Variants in RTN4 observed in about 807,000 individuals in gnomAD.
The protein encoded by RTN4 is reticulon 4.
Under a neutral mutation model 90.4 loss-of-function variants are expected in RTN4, and 32 were observed. The observed-to-expected ratio is 0.35, with a 90% CI of 0.27 to 0.48. The LOEUF (loss-of-function observed/expected upper bound fraction) is 0.48. Among genes scored for constraint, RTN4 ranks in the 20% least tolerant of loss-of-function variants. RTN4 has a pLI of 0.99. For synonymous variants in RTN4, 629 were observed against 552.5 expected (o/e 1.14, Z -1.94); for missense variants, 1,706 against 1,430.2 (o/e 1.19, Z -3.11).
upstream of RTN4, among the ~76,000 whole-genome samples, chr2:55,116,089 G>GACTTT (rs1409371829): frequency 2.5e-5 from 2 of 81,276 alleles, no homozygotes; most frequent in Admixed American, 1.3e-4. Flanking sequence ...ATGGGGACTA[G>GACTTT]TCTTTTTTTT....
At chr2:55,041,406 A>G (rs1683065811) in intron 1 of RTN4, among the ~76,000 whole-genome samples, 3 of 152,146 alleles carry the variant, frequency 2.0e-5, no homozygotes. Flanking sequence ...AAAAATTTTA[A>G]GATGAAGTAG....
At chr2:55,065,498 A>G (rs1668373347) in intron 2 of RTN4, among the ~76,000 whole-genome samples, 1 of 152,128 alleles carries the variant, frequency 6.6e-6, no homozygotes, top group African/African-American at 2.4e-5. Flanking sequence ...TTATTATAAT[A>G]TCTAAAACTT....
rs201600114 is a variant in RTN4, at chr2:55,026,938, G to A, written c.1161C>T (p.Phe387=). ...CTTCCCATACTCGCTCAAATGGTTT[G>A]AAGTCTGCATATTCCTCCCTCATAG... ...EAPMREEYAD[F]KPFERVWEVK... The change falls in exon 3 of 9, where the codon TTC becomes TTT. Residue 387 remains phenylalanine (F), a synonymous_variant. Transcript: ENST00000337526. The A allele has an allele frequency of 1.9e-6, 3 of 1,613,338 alleles. No homozygotes were observed. Among genetic ancestry groups the A allele is most frequent in the African/African-American group, 2.7e-5 (2 of 74,872 alleles).
chr2:55,081,014 T>C (rs1315081640), intron 1 of RTN4, among the ~76,000 whole-genome samples: 3 of 152,196 alleles, frequency 2.0e-5, no homozygotes, highest in Admixed American at 2.0e-4. Flanking sequence ...AGGTACACTG[T>C]ATTCACTCTC....
intron 5 of RTN4, among the ~76,000 whole-genome samples, chr2:54,979,418 G>A (rs1677939916): frequency 6.6e-6 from 1 of 152,102 alleles, no homozygotes; most frequent in Non-Finnish European, 1.5e-5. Flanking sequence ...GTGGATAAGT[G>A]TGGCCATACA....
chr2:54,983,395 A>G (rs2104650598), intron 4 of RTN4, among the ~76,000 whole-genome samples: 1 of 152,282 alleles, frequency 6.6e-6, no homozygotes, highest in East Asian at 1.9e-4. Flanking sequence ...ACAGGAATGT[A>G]AGAAACAGTT....
Position 55,010,052 on chromosome 2 carries a change from TA to T in RTN4, c.3013+15033del, listed in dbSNP as rs749737139. 10 of 1,606,974 alleles carry T rather than the reference TA, an allele frequency of 6.2e-6. No homozygotes were observed. In the African/African-American group the frequency reaches 1.3e-4, roughly 22 times the overall value. ...ATAGAAATATATTAGTGGTCACATA[TA>T]AAAACTGAATAAGAAATTAAAAAGC... On this transcript the variant is annotated intron_variant, in intron 3 of 8. Transcript: ENST00000337526.
chr2:54,980,187 A>T (rs2104630899), intron 5 of RTN4, among the ~76,000 whole-genome samples: 1 of 152,374 alleles, frequency 6.6e-6, no homozygotes, highest in South Asian at 2.1e-4. Flanking sequence ...TTTTCAAAAG[A>T]AATTAAAATA....
chr2:55,075,357 T>C (rs1012856391), intron 2 of RTN4, among the ~76,000 whole-genome samples: 2 of 152,050 alleles, frequency 1.3e-5, no homozygotes, highest in African/African-American at 4.8e-5. Context: ...AAACAAAACC[T>C]TAGGAATATG....
At chr2:55,057,433 A>T (rs751252233) in intron 2 of RTN4, among the ~76,000 whole-genome samples, 4 of 152,208 alleles carry the variant, frequency 2.6e-5, no homozygotes, top group Non-Finnish European at 4.4e-5. Flanking sequence ...TGTGTTAGCA[A>T]ATTGTATAAG....
intron 1 of RTN4, among the ~76,000 whole-genome samples, chr2:55,085,192 G>C (rs142702816): frequency 1.0e-3 from 157 of 152,284 alleles, no homozygotes; most frequent in African/African-American, 3.7e-3. Flanking sequence ...AACTGTGTGT[G>C]TGTGCGTAGA....
At chr2:55,068,944 T>C (rs887173739) in intron 2 of RTN4, among the ~76,000 whole-genome samples, 1 of 152,338 alleles carries the variant, frequency 6.6e-6, no homozygotes, top group East Asian at 1.9e-4. Context: ...AGACAATTAG[T>C]GTACTTTAAA....
chr2:55,036,521 G>C (rs959638609), intron 1 of RTN4, among the ~76,000 whole-genome samples: 1 of 135,500 alleles, frequency 7.4e-6, no homozygotes, highest in Non-Finnish European at 1.5e-5. Flanking sequence ...AGAAACGCTT[G>C]AAACCAGGAG....
rs539872278 is a variant in RTN4 at position 55,041,276 on chromosome 2, C to T, written c.556+8469G>A. Among the ~76,000 whole-genome samples, 7 of 151,982 alleles carry T rather than the reference C, an allele frequency of 4.6e-5. No individual in the cohort carries two copies. In the South Asian group the frequency reaches 1.0e-3, roughly 22 times the overall value. On this transcript the variant is annotated intron_variant, in intron 1 of 8. Transcript: ENST00000337526. Reference sequence around the variant, plus strand: ...TTTAAATACATGTTAATAAAAACCACGTGTTTATGGAAAAATACACAATAT... The same window carrying T: ...TTTAAATACATGTTAATAAAAACCATGTGTTTATGGAAAAATACACAATAT...
At chr2:55,061,451 C>A (rs1668290366) in intron 2 of RTN4, among the ~76,000 whole-genome samples, 2 of 152,176 alleles carry the variant, frequency 1.3e-5, no homozygotes, top group African/African-American at 2.4e-5. Flanking sequence ...ATTGAAATTT[C>A]TCCAGTTGTC....
upstream of RTN4, among the ~76,000 whole-genome samples, chr2:55,053,016 A>G (rs1668125029): frequency 6.6e-6 from 1 of 152,242 alleles, no homozygotes; most frequent in Non-Finnish European, 1.5e-5. Flanking sequence ...TCACAAAAGA[A>G]TAATTATAAA....
chr2:55,044,642 C>G (rs1308995193), intron 1 of RTN4, among the ~76,000 whole-genome samples: 2 of 151,970 alleles, frequency 1.3e-5, no homozygotes, highest in Non-Finnish European at 2.9e-5. Context: ...GTTTTTATAA[C>G]ATGGCAAATC....
At chr2:55,017,692 C>T (rs1681144287) in intron 3 of RTN4, among the ~76,000 whole-genome samples, 1 of 152,136 alleles carries the variant, frequency 6.6e-6, no homozygotes, top group Non-Finnish European at 1.5e-5. Context: ...AATGGCCTAC[C>T]AACATAAACA....
At chr2:55,128,167 A>C in the RTN4 span, among the ~76,000 whole-genome samples, 1 of 152,142 alleles carries the variant, frequency 6.6e-6, no homozygotes, top group South Asian at 2.1e-4. Context: ...TTTCCACTAC[A>C]TGGCAGCTGC....
Sources: allele counts gnomAD v4.1 joint callset (sites outside exome capture counted in the v4.1 genomes callset), GRCh38; gene constraint gnomAD v4.1.1; transcripts MANE v1.5; gene names NCBI Gene and HGNC (gene_info 2026-07-23, HGNC 2026-07-21).